DCT: variants seen among roughly 807,000 people sequenced by gnomAD.
DCT encodes the protein L-dopachrome tautomerase.
A neutral mutation model predicts 53.0 loss-of-function variants in DCT; 47 were observed. The observed-to-expected ratio is 0.89, with a 90% CI of 0.70 to 1.13. DCT has a LOEUF of 1.13. Among genes scored for constraint, DCT ranks in the 50% most tolerant of loss-of-function variants. The pLI, the probability that DCT is intolerant of heterozygous loss-of-function variation, is 0.00. For missense variants in DCT, 669 were observed against 637.4 expected, an observed-to-expected ratio of 1.05 and a Z score of -0.53; for synonymous variants, 244 against 237.0, an observed-to-expected ratio of 1.03 and a Z score of -0.27.
chr13:94,459,579 A>T (rs1207309038), intron 6 of DCT, among the ~76,000 whole-genome samples: 1 of 152,092 alleles, frequency 6.6e-6, no homozygotes, highest in East Asian at 1.9e-4. Context: ...CCAACAGGGG[A>T]CACCAAGGCC....
chr13:94,478,484 A>G (rs200865916), intron 1 of DCT, among the ~76,000 whole-genome samples: 16 of 152,002 alleles, frequency 1.1e-4, no homozygotes, highest in South Asian at 8.3e-4. Context: ...CTCCAAAAAA[A>G]AGAGAGAGAG....
intron 1 of DCT, 104 bp from the exon 2 acceptor site, chr13:94,469,149 G>A (rs891161847): frequency 6.4e-5 from 64 of 1,000,018 alleles, no homozygotes; most frequent in Non-Finnish European, 9.5e-5. Context: ...AGATGAAGGT[G>A]CTTACACAAA....
At position 94,475,081 on chromosome 13, in the gene DCT, A is replaced by C. The variant is rs140898013; in HGVS notation, c.295+3880T>G. The stretch of plus-strand genomic sequence containing the variant: ...AGGCTCAGGATCAGGTTTCAATTCC[A>C]AAGATTGCCCCACAAACCATAAAAA... On this transcript the variant is annotated intron_variant, in intron 1 of 7. Coordinates refer to ENST00000377028, the MANE Select transcript of DCT (RefSeq NM_001922.5). 4.0e-4 allele frequency among the ~76,000 whole-genome samples: 61 copies of C among 152,286 alleles called. No homozygotes were observed. The East Asian group carries it at 0.011, about 28-fold the overall frequency.
the DCT span, among the ~76,000 whole-genome samples, chr13:94,521,995 T>C: frequency 9.6e-3 from 1,468 of 152,318 alleles, 9 homozygotes; most frequent in Non-Finnish European, 0.017. Flanking sequence ...ATATAATACA[T>C]AGTCTCTTAG....
At chr13:94,494,180 T>C in the DCT span, among the ~76,000 whole-genome samples, 2 of 152,128 alleles carry the variant, frequency 1.3e-5, no homozygotes, top group Non-Finnish European at 2.9e-5. Context: ...CTCGTCCCCA[T>C]ACATTGCCAC....
Position 94,472,545 on chromosome 13 carries a change from TATATATATATATATATATATA to T in DCT, c.296-3521_296-3501del, listed in dbSNP as rs1566855049. 1.3e-3 allele frequency among the ~76,000 whole-genome samples: 40 copies of T among 30,618 alleles called. 1 individual carries two copies. Among genetic ancestry groups the T allele is most frequent in the African/African-American group, 5.3e-3 (37 of 6,960 alleles). 20.1% of individuals were successfully genotyped at this position (30,618 alleles called of 152,430 possible). A position where few individuals can be genotyped will look rare whatever the true frequency, so the allele number is the denominator to read the frequency against. ...ACATATATATATATATATATATATA[TATATATATATATATATATATA>T]TATTTTTTTTTTTTTTTTTTTTTTT... On this transcript the variant is annotated intron_variant, in intron 1 of 7. Transcript: ENST00000377028.
the DCT span, among the ~76,000 whole-genome samples, chr13:94,498,669 A>G: frequency 1.2e-4 from 19 of 152,252 alleles, no homozygotes; most frequent in African/African-American, 4.6e-4. Context: ...GAACTATGAC[A>G]GGAGCTGTGT....
the DCT span, among the ~76,000 whole-genome samples, chr13:94,513,909 C>T: frequency 7.0e-6 from 1 of 143,866 alleles, no homozygotes; most frequent in Non-Finnish European, 1.5e-5. Flanking sequence ...ATCACTTAAA[C>T]CCAGGAGGCA....
the DCT span, among the ~76,000 whole-genome samples, chr13:94,525,237 A>G: frequency 3.2e-4 from 49 of 152,172 alleles, no homozygotes; most frequent in Admixed American, 1.8e-3. Flanking sequence ...AGTAGCTGGG[A>G]TTACAGGCAT....
the DCT span, among the ~76,000 whole-genome samples, chr13:94,545,020 G>A: frequency 6.6e-6 from 1 of 152,016 alleles, no homozygotes; most frequent in Non-Finnish European, 1.5e-5. Flanking sequence ...AGTAAGTGGC[G>A]ACCCTATTCT....
rs560480430 is a variant in DCT, at chr13:94,478,455, T to A, written c.295+506A>T. 3.6e-4 allele frequency among the ~76,000 whole-genome samples: 55 copies of A among 151,952 alleles called. No homozygotes were observed. The East Asian group carries it at 3.7e-3, about 10-fold the overall frequency. ...TAGCACCATTGCACTCCAGCCACGG[T>A]GACAAAGCGAGACTCCATCTCCAAA... On this transcript the variant is annotated intron_variant, in intron 1 of 7. Coordinates refer to ENST00000377028, the MANE Select transcript of DCT (RefSeq NM_001922.5).
At chr13:94,494,347 T>A in the DCT span, among the ~76,000 whole-genome samples, 3 of 152,198 alleles carry the variant, frequency 2.0e-5, no homozygotes, top group African/African-American at 7.2e-5. Context: ...TCATTTTGTT[T>A]GTGCTCCTTA....
the DCT span, among the ~76,000 whole-genome samples, chr13:94,542,960 G>A: frequency 3.9e-5 from 6 of 152,132 alleles, no homozygotes; most frequent in South Asian, 1.0e-3. Flanking sequence ...TACAAAGGAC[G>A]TTTTCATACA....
intron 4 of DCT, among the ~76,000 whole-genome samples, chr13:94,465,304 T>C (rs748550126): frequency 4.6e-5 from 7 of 152,222 alleles, no homozygotes; most frequent in Non-Finnish European, 8.8e-5. Context: ...CTTAATTTGA[T>C]TAGGTTGATG....
chr13:94,474,202 A>G (rs190608355), intron 1 of DCT, among the ~76,000 whole-genome samples: 1 of 152,246 alleles, frequency 6.6e-6, no homozygotes, highest in African/African-American at 2.4e-5. Flanking sequence ...TCCTTCAGTG[A>G]AAATTAAATT....
chr13:94,481,704 T>C (rs1262177790), upstream of DCT, among the ~76,000 whole-genome samples: 1 of 152,192 alleles, frequency 6.6e-6, no homozygotes, highest in Non-Finnish European at 1.5e-5. Flanking sequence ...ACCTCAGTTG[T>C]GAGCCCCAGA....
the DCT span, among the ~76,000 whole-genome samples, chr13:94,548,805 T>C: frequency 1.3e-5 from 2 of 152,170 alleles, no homozygotes; most frequent in Admixed American, 1.3e-4. Flanking sequence ...AGGAAAAAGC[T>C]GGTTCACAGC....
intron 4 of DCT, among the ~76,000 whole-genome samples, chr13:94,464,060 C>T (rs1221389750): frequency 6.6e-6 from 1 of 152,252 alleles, no homozygotes; most frequent in African/African-American, 2.4e-5. Flanking sequence ...CCATCCACTA[C>T]TATTCCAAGG....
chr13:94,472,568 A>T (rs28510599), intron 1 of DCT, among the ~76,000 whole-genome samples: 1,644 of 14,998 alleles, frequency 0.11, 88 homozygotes, highest in African/African-American at 0.12. Flanking sequence ...ATATATATAT[A>T]TTTTTTTTTT....
Sources: allele counts gnomAD v4.1 joint callset (sites outside exome capture counted in the v4.1 genomes callset), GRCh38; gene constraint gnomAD v4.1.1; transcripts MANE v1.5; gene names NCBI Gene and HGNC (gene_info 2026-07-23, HGNC 2026-07-21).